The following INPP5A variants were observed in gnomAD, a reference collection of about 807,000 sequenced individuals.
INPP5A encodes inositol polyphosphate-5-phosphatase A, also known as 43 kDa inositol polyphosphate 5-phophatase.
In INPP5A, 14 loss-of-function variants were observed where a neutral mutation model predicts 65.2. The observed-to-expected ratio is 0.21, with a 90% confidence interval of 0.14 to 0.34. The LOEUF is 0.34. INPP5A is among the 10% of genes least tolerant of loss of function. INPP5A has a pLI of 1.00. For missense variants in INPP5A, 431 were observed against 545.6 expected (o/e 0.79, Z 2.09); for synonymous variants, 207 against 208.3 (o/e 0.99, Z 0.05).
chr10:132,749,361 G>A (rs1463034193), intron 9 of INPP5A, among the ~76,000 whole-genome samples, 156 bp from the exon 10 acceptor site: 3 of 152,226 alleles, frequency 2.0e-5, no homozygotes, highest in African/African-American at 7.2e-5. Flanking sequence ...CGGCTGTTGC[G>A]GGAGTGGCCC....
At chr10:132,770,806 C>T (rs997470114) in intron 12 of INPP5A, among the ~76,000 whole-genome samples, 8 of 152,234 alleles carry the variant, frequency 5.3e-5, no homozygotes. Flanking sequence ...CACACAGGTC[C>T]CGGGAAATCC....
intron 2 of INPP5A, among the ~76,000 whole-genome samples, chr10:132,633,707 G>C (rs578112560): frequency 6.6e-6 from 1 of 152,224 alleles, no homozygotes; most frequent in East Asian, 1.9e-4. Context: ...GCACTCACTC[G>C]AAGGCCCTGG....
intron 12 of INPP5A, among the ~76,000 whole-genome samples, chr10:132,766,435 G>A (rs566985752): frequency 6.6e-6 from 1 of 152,360 alleles, no homozygotes; most frequent in East Asian, 1.9e-4. Context: ...CTATGTGGGT[G>A]TGGATGTGTT....
At chr10:132,739,214 A>G (rs970813643) in intron 9 of INPP5A, among the ~76,000 whole-genome samples, 1 of 152,240 alleles carries the variant, frequency 6.6e-6, no homozygotes, top group Non-Finnish European at 1.5e-5. Context: ...ACCATGGCAC[A>G]CTTTACAGAA....
At chr10:132,645,749 G>A (rs2072484868) in intron 2 of INPP5A, 119 bp from the exon 3 acceptor site, 1 of 710,500 alleles carries the variant, frequency 1.4e-6, no homozygotes, top group East Asian at 2.7e-5. Context: ...CAGACATGGG[G>A]CCCCGTCTCT....
chr10:132,656,782 G>A (rs900772278), intron 4 of INPP5A, among the ~76,000 whole-genome samples: 11 of 152,186 alleles, frequency 7.2e-5, no homozygotes, highest in East Asian at 3.8e-4. Context: ...GGCCCAGGGC[G>A]GTGCAGACCC....
At chr10:132,780,772 G>A (rs1591011045) in intron 13 of INPP5A, 77 bp from the exon 14 acceptor site, 1 of 1,162,896 alleles carries the variant, frequency 8.6e-7, no homozygotes, top group East Asian at 2.3e-5. Flanking sequence ...AAACCCTGAT[G>A]TTCCTGCCAG....
chr10:132,782,315 G>A lies in INPP5A; in HGVS notation c.*286G>A, dbSNP rs990412156. The A allele has an allele frequency of 5.6e-5, 20 of 359,674 alleles. 1 individual carries two copies. The highest frequency in any genetic ancestry group is 9.8e-4 in the Middle Eastern group (1 of 1,022). 22.3% of individuals were successfully genotyped at this position (359,674 alleles called of 1,614,324 possible). ...TCAAAACTCTAATAGACAGCAAAGAGGGTCTGTACCGTAGACTTCACAGTT... is the reference window on the plus strand; with the variant it reads ...TCAAAACTCTAATAGACAGCAAAGAAGGTCTGTACCGTAGACTTCACAGTT... On this transcript the variant is annotated 3_prime_UTR_variant, in exon 16 of 16. Coordinates refer to ENST00000368594, the MANE Select transcript of INPP5A (RefSeq NM_005539.5). This position sits in a 1 kb window ranked among gnomAD's most constrained non-coding sequence, Gnocchi z 4.4.
intron 8 of INPP5A, among the ~76,000 whole-genome samples, chr10:132,723,211 G>T (rs890015618): frequency 1.3e-5 from 2 of 152,246 alleles, no homozygotes; most frequent in African/African-American, 4.8e-5. Context: ...CGGCTTTCTC[G>T]GGAAGAAGGA....
intron 8 of INPP5A, among the ~76,000 whole-genome samples, chr10:132,720,839 G>C (rs1281896781): frequency 1.3e-5 from 2 of 149,070 alleles, no homozygotes; most frequent in African/African-American, 5.0e-5. Flanking sequence ...CCTGGGTTCT[G>C]TCTGGGCACC....
intron 2 of INPP5A, 125 bp downstream of exon 2, chr10:132,608,081 GTC>G: frequency 1.2e-6 from 1 of 834,232 alleles, no homozygotes; most frequent in Non-Finnish European, 2.0e-6. Context: ...CTGTGGCTGG[GTC>G]TCTCGGCTCC....
intron 1 of INPP5A, among the ~76,000 whole-genome samples, chr10:132,563,812 C>T (rs1359107263): frequency 2.6e-5 from 4 of 152,156 alleles, no homozygotes; most frequent in Admixed American, 6.6e-5. Context: ...ATTTATAACT[C>T]GCCTTCTCAC....
intron 2 of INPP5A, among the ~76,000 whole-genome samples, chr10:132,619,978 C>T (rs1398134812): frequency 6.6e-6 from 1 of 152,234 alleles, no homozygotes; most frequent in Non-Finnish European, 1.5e-5. Flanking sequence ...ATTCTGTGCA[C>T]CTACAGGCTT....
At chr10:132,777,555 C>T in intron 12 of INPP5A, 116 bp from the exon 13 acceptor site, 3 of 830,670 alleles carry the variant, frequency 3.6e-6, no homozygotes, top group South Asian at 1.8e-5. Context: ...GTATTCATTC[C>T]CCAGGTAGTG....
At chr10:132,582,075 A>G (rs1449298332) in intron 1 of INPP5A, among the ~76,000 whole-genome samples, 1 of 152,044 alleles carries the variant, frequency 6.6e-6, no homozygotes, top group Admixed American at 6.5e-5. Context: ...TCCTGACCTC[A>G]TGATCTGCCC....
At chr10:132,757,143 A>C (rs1309973148) in intron 11 of INPP5A, among the ~76,000 whole-genome samples, 1 of 152,230 alleles carries the variant, frequency 6.6e-6, no homozygotes, top group Non-Finnish European at 1.5e-5. Flanking sequence ...GAGAAAATAC[A>C]TTTCAGTACA....
At chr10:132,687,403 C>T (rs963276411) in intron 4 of INPP5A, among the ~76,000 whole-genome samples, 2 of 152,230 alleles carry the variant, frequency 1.3e-5, no homozygotes, top group South Asian at 2.1e-4. Flanking sequence ...GACCCAGCAG[C>T]AGCTCACCAG....
intron 2 of INPP5A, among the ~76,000 whole-genome samples, chr10:132,615,219 C>T (rs1039403218): frequency 3.3e-5 from 5 of 152,228 alleles, no homozygotes; most frequent in African/African-American, 4.8e-5. Context: ...TGTCTCGTGG[C>T]GGCCCGCAGC....
chr10:132,596,924 CGCATGTGCACGCATGTGTGCGT>C (rs1475803443), intron 1 of INPP5A, among the ~76,000 whole-genome samples: 6 of 22,792 alleles, frequency 2.6e-4, no homozygotes, highest in Non-Finnish European at 1.1e-3. Flanking sequence ...CATGTGTGCG[CGCATGTGCACGCATGTGTGCGT>C]GTGTGCACAC....
Sources: gnomAD v4.1 joint callset for allele counts (sites outside exome capture counted in the v4.1 genomes callset) on GRCh38, gnomAD v4.1.1 for gene constraint, Gnocchi (gnomAD v3.1) non-coding constraint, MANE v1.5 for transcripts, NCBI Gene and HGNC (gene_info 2026-07-23, HGNC 2026-07-21) for gene names.